The following TNS3 variants were observed in gnomAD, a reference collection of about 807,000 sequenced individuals.
The protein encoded by TNS3 is tensin-3.
TNS3 carries 45 observed loss-of-function variants against 140.9 expected under a neutral mutation model. The ratio of observed to expected loss-of-function variants is 0.32; its 90% confidence interval spans 0.25 to 0.41. The LOEUF (loss-of-function observed/expected upper bound fraction) is 0.41. Among genes scored for constraint, TNS3 ranks in the 10% least tolerant of loss-of-function variants. The probability of loss-of-function intolerance (pLI) is 1.00; values close to 1 mark genes in which losing one functional copy is unlikely to be tolerated. For synonymous variants in TNS3, 815 were observed against 788.4 expected (o/e 1.03, Z -0.56); for missense variants, 1,716 against 1,906.7 (o/e 0.90, Z 1.86).
chr7:47,345,252 A>C (rs916202678), intron 18 of TNS3, among the ~76,000 whole-genome samples: 6 of 152,216 alleles, frequency 3.9e-5, no homozygotes, highest in Non-Finnish European at 8.8e-5. Flanking sequence ...TCAACAGTAA[A>C]GGAAACGGAA....
chr7:47,427,496 G>T (rs1223529601), intron 9 of TNS3, among the ~76,000 whole-genome samples: 1 of 152,208 alleles, frequency 6.6e-6, no homozygotes, highest in Non-Finnish European at 1.5e-5. Flanking sequence ...AGAAGACAGG[G>T]CAGATGCAAA....
Position 47,400,471 on chromosome 7 carries a change from A to C in TNS3, c.854-13T>G, listed in dbSNP as rs201242487. On this transcript the variant is annotated splice_polypyrimidine_tract_variant and intron_variant, in intron 14 of 30. Coordinates refer to ENST00000311160, the MANE Select transcript of TNS3 (RefSeq NM_022748.12). ...GGAAAACGGTCATCTGAAAAAAACA[A>C]TGTATTTTAACACATTTGTGGAGAC... 1.4e-5 allele frequency: 23 copies of C among 1,613,330 alleles called. No individual in the cohort carries two copies. The Admixed American group carries it at 3.8e-4, about 27-fold the overall frequency.
At chr7:47,389,498 A>T (rs778402406) in intron 16 of TNS3, among the ~76,000 whole-genome samples, 1 of 152,188 alleles carries the variant, frequency 6.6e-6, no homozygotes, top group Admixed American at 6.5e-5. Flanking sequence ...ACAACATACA[A>T]CTTGAGCCAA....
At chr7:47,278,471 C>T (rs1252745364) in intron 30 of TNS3, 3 of 484,962 alleles carry the variant, frequency 6.2e-6, no homozygotes, top group Non-Finnish European at 1.1e-5. Context: ...GCCCTGTCCA[C>T]AGCCCCAGGT....
chr7:47,574,496 CA>C (rs371887200), intron 1 of TNS3, among the ~76,000 whole-genome samples: 15 of 147,978 alleles, frequency 1.0e-4, no homozygotes, highest in East Asian at 3.9e-4. Flanking sequence ...TTGTGCTCAC[CA>C]AAAAAAAAAT....
chr7:47,325,041 A>G (rs1787953024), intron 20 of TNS3, among the ~76,000 whole-genome samples: 1 of 151,976 alleles, frequency 6.6e-6, no homozygotes, highest in Admixed American at 6.6e-5. Context: ...GGGAAACCAG[A>G]CTTGGAGGAG....
In TNS3 at chr7:47,346,353, G is replaced by A. The variant is rs1202118258; in HGVS notation, c.2285C>T (p.Ser762Phe). Reference protein sequence around the residue: ...GPSRATGRQGSSAEQPLGGRL... With the variant: ...GPSRATGRQGFSAEQPLGGRL... ...CCCGCCCAGGGGCTGTTCAGCAGAG[G>A]AGCCTGTTAAAAGGGAGACAAGCAG... Residue 762 changes from serine to phenylalanine, a missense_variant, in exon 18 of 31, where the codon TCC becomes TTC. Physicochemically the swap from Ser to Phe is radical, Grantham distance 155 (BLOSUM62 -2). This residue lies in a region of TNS3 where 1,163 missense variants were observed against 1,182.1 expected (regional missense o/e 0.98). Transcript: ENST00000311160. 4 of 1,613,940 alleles carry A rather than the reference G, an allele frequency of 2.5e-6. No individual in the cohort carries two copies. The highest frequency in any genetic ancestry group is 1.7e-5 in the Admixed American group (1 of 60,002).
chr7:47,565,929 C>A (rs1238500737), intron 1 of TNS3, among the ~76,000 whole-genome samples: 1 of 152,158 alleles, frequency 6.6e-6, no homozygotes, highest in African/African-American at 2.4e-5. Context: ...GAGCAACCAG[C>A]CACAGTCTGA....
At chr7:47,329,697 A>C (rs931296049) in intron 20 of TNS3, among the ~76,000 whole-genome samples, 5 of 152,136 alleles carry the variant, frequency 3.3e-5, no homozygotes, top group Admixed American at 2.0e-4. Flanking sequence ...AAGCGGATGG[A>C]CTGGCCTTTC....
intron 11 of TNS3, among the ~76,000 whole-genome samples, chr7:47,414,767 C>A (rs1297385991): frequency 6.6e-6 from 1 of 152,192 alleles, no homozygotes; most frequent in Non-Finnish European, 1.5e-5. Flanking sequence ...TGGCTTGTGA[C>A]CTCAAGGCCA....
At chr7:47,425,936 T>C (rs1794621968) in intron 9 of TNS3, among the ~76,000 whole-genome samples, 1 of 152,026 alleles carries the variant, frequency 6.6e-6, no homozygotes, top group African/African-American at 2.4e-5. Flanking sequence ...GGGAACATTG[T>C]AGAAATGATC....
chr7:47,411,072 C>T (rs1793742790), intron 13 of TNS3, among the ~76,000 whole-genome samples: 1 of 152,144 alleles, frequency 6.6e-6, no homozygotes, highest in Non-Finnish European at 1.5e-5. Context: ...TTTCTGCACC[C>T]ACACTCTGGG....
chr7:47,366,756 C>T (rs1421253459), intron 17 of TNS3, among the ~76,000 whole-genome samples: 2 of 152,230 alleles, frequency 1.3e-5, no homozygotes, highest in Non-Finnish European at 2.9e-5. Flanking sequence ...ACATAATCTA[C>T]TGACACCTCC....
At chr7:47,404,172 G>T (rs1793314416) in intron 13 of TNS3, among the ~76,000 whole-genome samples, 1 of 152,158 alleles carries the variant, frequency 6.6e-6, no homozygotes, top group South Asian at 2.1e-4. Flanking sequence ...CACAACAAAG[G>T]CTGCGCACAG....
At chr7:47,534,664 T>C (rs1799537750) in intron 1 of TNS3, among the ~76,000 whole-genome samples, 1 of 152,202 alleles carries the variant, frequency 6.6e-6, no homozygotes, top group Admixed American at 6.5e-5. Context: ...ACTGTAAGTA[T>C]CTATATACAT....
chr7:47,578,377 T>C (rs937402784), intron 1 of TNS3, among the ~76,000 whole-genome samples: 2 of 152,172 alleles, frequency 1.3e-5, no homozygotes, highest in African/African-American at 4.8e-5. Context: ...CAGTGAGGCA[T>C]TCCGAGGGAC....
chr7:47,492,363 C>T (rs1240086838), intron 3 of TNS3, among the ~76,000 whole-genome samples: 6 of 152,216 alleles, frequency 3.9e-5, no homozygotes, highest in Non-Finnish European at 7.3e-5. Flanking sequence ...GCCTGCCGCA[C>T]GGTAGACTCC....
intron 17 of TNS3, among the ~76,000 whole-genome samples, chr7:47,364,433 C>T (rs111931156): frequency 6.6e-6 from 1 of 152,074 alleles, no homozygotes; most frequent in Non-Finnish European, 1.5e-5. Flanking sequence ...CAGGCATGCA[C>T]CACCATGCCT....
intron 1 of TNS3, among the ~76,000 whole-genome samples, chr7:47,574,350 C>T (rs990713457): frequency 5.3e-5 from 8 of 152,016 alleles, no homozygotes; most frequent in Admixed American, 5.2e-4. Context: ...CTTCCTTTTC[C>T]TGCAGGCCTG....
Sources: allele counts gnomAD v4.1 joint callset (sites outside exome capture counted in the v4.1 genomes callset), GRCh38; gene constraint gnomAD v4.1.1; regional missense constraint gnomAD v4.1.1; transcripts MANE v1.5; gene names NCBI Gene and HGNC (gene_info 2026-07-23, HGNC 2026-07-21).